The following EYS variants were observed in gnomAD, a reference collection of about 807,000 sequenced individuals.
The protein encoded by EYS is protein eyes shut homolog.
Under a neutral mutation model 282.1 loss-of-function variants are expected in EYS, and 250 were observed. That is an observed-to-expected ratio of 0.89 (90% CI 0.80 to 0.98). The LOEUF (loss-of-function observed/expected upper bound fraction) is 0.98. Among genes scored for constraint, EYS ranks in the 50% least tolerant of loss-of-function variants. The pLI, the probability that EYS is intolerant of heterozygous loss-of-function variation, is 0.00. For synonymous variants in EYS, 1,355 were observed against 1,282.9 expected (o/e 1.06, Z -1.20); for missense variants, 4,016 against 3,709.0 (o/e 1.08, Z -2.15).
chr6:64,492,803 A>C (rs1458568361), intron 26 of EYS, among the ~76,000 whole-genome samples: 2 of 151,360 alleles, frequency 1.3e-5, no homozygotes, highest in Non-Finnish European at 3.0e-5. Flanking sequence ...TAGTACAGAT[A>C]GCATTTAGCA....
At chr6:64,900,845 G>A (rs894605830) in intron 18 of EYS, among the ~76,000 whole-genome samples, 2 of 152,024 alleles carry the variant, frequency 1.3e-5, no homozygotes, top group African/African-American at 4.8e-5. Context: ...ATTCCTCAAG[G>A]ATCTAGAACT....
chr6:65,130,790 G>C (rs1775851261), intron 12 of EYS, among the ~76,000 whole-genome samples: 1 of 146,420 alleles, frequency 6.8e-6, no homozygotes, highest in Admixed American at 6.8e-5. Flanking sequence ...ATGTACCCTG[G>C]AACTAAAGTT....
chr6:64,471,837 G>A (rs1463064763), intron 26 of EYS, among the ~76,000 whole-genome samples: 2 of 152,274 alleles, frequency 1.3e-5, no homozygotes, highest in Admixed American at 6.5e-5. Flanking sequence ...GGGAGATGAA[G>A]AGAGTTGGCT....
chr6:65,648,163 A>C (rs1006708993), intron 1 of EYS, among the ~76,000 whole-genome samples: 2 of 152,204 alleles, frequency 1.3e-5, no homozygotes, highest in African/African-American at 4.8e-5. Context: ...TTGATCACGC[A>C]ATTCCATTAC....
chr6:64,051,346 T>C (rs557391166), intron 33 of EYS, among the ~76,000 whole-genome samples: 9 of 152,282 alleles, frequency 5.9e-5, no homozygotes, highest in Admixed American at 3.9e-4. Flanking sequence ...TATAGAGTTA[T>C]ATGTGTCCTT....
intron 30 of EYS, among the ~76,000 whole-genome samples, chr6:64,299,422 T>C (rs1769151581): frequency 6.6e-6 from 1 of 152,216 alleles, no homozygotes; most frequent in Non-Finnish European, 1.5e-5. Flanking sequence ...CTGAGTACAT[T>C]ATTCATCCAT....
intron 22 of EYS, among the ~76,000 whole-genome samples, chr6:64,747,595 G>C (rs1439865508): frequency 1.3e-5 from 2 of 152,066 alleles, no homozygotes; most frequent in African/African-American, 2.4e-5. Flanking sequence ...GGCCAGGCTG[G>C]TCTTGAACTC....
rs202088926 is a variant in EYS, at chr6:64,966,329, TG to T, written c.2260-20416del. ...TCAAAATCTAGAAAGAAATTGGTGTTGGGGGGGGTATTGTTTAACTTGTTAA... is the reference window on the plus strand; with the variant it reads ...TCAAAATCTAGAAAGAAATTGGTGTTGGGGGGGTATTGTTTAACTTGTTAA... On this transcript the variant is annotated intron_variant, in intron 14 of 42. Transcript: ENST00000503581. Among the ~76,000 whole-genome samples the T allele has an allele frequency of 3.4e-4, 52 of 151,756 alleles. 1 individual carries two copies. The highest frequency in any genetic ancestry group is 1.1e-3 in the African/African-American group (47 of 41,406).
chr6:65,378,410 A>G (rs1765468107), intron 8 of EYS, among the ~76,000 whole-genome samples: 1 of 152,210 alleles, frequency 6.6e-6, no homozygotes, highest in Non-Finnish European at 1.5e-5. Flanking sequence ...ATGTGGAGAA[A>G]TAGGAACGCT....
chr6:65,146,882 A>G (rs1426954154), intron 12 of EYS, among the ~76,000 whole-genome samples: 1 of 151,962 alleles, frequency 6.6e-6, no homozygotes, highest in East Asian at 1.9e-4. Flanking sequence ...ACGTTGTCAA[A>G]GTAAGTATAT....
intron 31 of EYS, among the ~76,000 whole-genome samples, chr6:64,099,379 T>C (rs1375727750): frequency 6.6e-6 from 1 of 152,210 alleles, no homozygotes; most frequent in Non-Finnish European, 1.5e-5. Flanking sequence ...ATGTAAATAT[T>C]CAGCAAAGCC....
At position 64,444,013 on chromosome 6, in the gene EYS, C is replaced by A. The variant is rs557259423; in HGVS notation, c.5645-4661G>T. On this transcript the variant is annotated intron_variant, in intron 26 of 42. Transcript: ENST00000503581. Reference sequence around the variant, plus strand: ...ATTACAGTGTTTTAAGAAAGTTAGTCAAAGCTTTAGCAGAAACATGCCCAT... The same window carrying A: ...ATTACAGTGTTTTAAGAAAGTTAGTAAAAGCTTTAGCAGAAACATGCCCAT... Among the ~76,000 whole-genome samples the A allele has an allele frequency of 8.9e-4, 135 of 152,244 alleles. 1 individual carries two copies. Among genetic ancestry groups the A allele is most frequent in the South Asian group, 2.1e-3 (10 of 4,828 alleles).
At chr6:64,787,002 T>C (rs186442335) in intron 22 of EYS, among the ~76,000 whole-genome samples, 23 of 152,298 alleles carry the variant, frequency 1.5e-4, no homozygotes, top group African/African-American at 4.6e-4. Context: ...TTTCTAGAGG[T>C]CAGTAGAGTT....
intron 12 of EYS, among the ~76,000 whole-genome samples, chr6:65,218,999 G>A (rs951505432): frequency 6.6e-6 from 1 of 152,004 alleles, no homozygotes. Context: ...CTAATGAGAG[G>A]TGGAGAAAAA....
intron 32 of EYS, among the ~76,000 whole-genome samples, chr6:64,066,800 G>A (rs1033852811): frequency 3.3e-5 from 5 of 152,126 alleles, no homozygotes; most frequent in Non-Finnish European, 7.4e-5. Flanking sequence ...GGTAGTGAGA[G>A]TAACTACTGT....
intron 29 of EYS, among the ~76,000 whole-genome samples, chr6:64,316,533 A>G (rs1010710951): frequency 6.6e-6 from 1 of 152,190 alleles, no homozygotes; most frequent in African/African-American, 2.4e-5. Context: ...TTCAAGGTGA[A>G]CTACCAAACA....
At chr6:64,555,389 T>A (rs1582889503) in intron 26 of EYS, among the ~76,000 whole-genome samples, 1 of 151,764 alleles carries the variant, frequency 6.6e-6, no homozygotes, top group East Asian at 1.9e-4. Flanking sequence ...GGACAAAGGA[T>A]ACCAAATTTA....
chr6:65,331,453 C>T, intron 11 of EYS: 1 of 821,368 alleles, frequency 1.2e-6, no homozygotes, highest in South Asian at 5.7e-5. Flanking sequence ...CTAGATATTG[C>T]AACTGATATA....
rs1383100226 is a variant in EYS, at chr6:64,112,801, A to G, written c.6425-30799T>C. 8.7e-5 allele frequency among the ~76,000 whole-genome samples: 13 copies of G among 148,682 alleles called. No individual in the cohort carries two copies. The East Asian group carries it at 2.5e-3, about 29-fold the overall frequency. ...AATAATATATATCTATAATATCTAT[A>G]TATCTCTCTATATATATCTTCAGGA... is the stretch of plus-strand genomic sequence containing the variant. On this transcript the variant is annotated intron_variant, in intron 31 of 42. Transcript: ENST00000503581.
Sources: gnomAD v4.1 joint callset for allele counts (sites outside exome capture counted in the v4.1 genomes callset) on GRCh38, gnomAD v4.1.1 for gene constraint, MANE v1.5 for transcripts, NCBI Gene and HGNC (gene_info 2026-07-23, HGNC 2026-07-21) for gene names.